ZNF536: variants seen among roughly 807,000 people sequenced by gnomAD.
The protein encoded by ZNF536 is zinc finger protein 536.
A neutral mutation model predicts 84.5 loss-of-function variants in ZNF536; 13 were observed. The ratio of observed to expected loss-of-function variants is 0.15; its 90% confidence interval spans 0.10 to 0.24. ZNF536 has a LOEUF of 0.24. ZNF536 is among the 10% of genes least tolerant of loss of function. The probability of loss-of-function intolerance (pLI) is 1.00; values close to 1 mark genes in which losing one functional copy is unlikely to be tolerated. For missense variants in ZNF536, 1,536 were observed against 1,747.5 expected, an observed-to-expected ratio of 0.88 and a Z score of 2.16; for synonymous variants, 811 against 742.5, an observed-to-expected ratio of 1.09 and a Z score of -1.50.
At position 30,254,895 on chromosome 19, in the gene ZNF536, C is replaced by T. The variant is rs538652940; in HGVS notation, c.-190+26222C>T. On this transcript the variant is annotated intron_variant, in intron 1 of 5. Coordinates refer to the ZNF536 transcript ENST00000585628. Reference sequence around the variant, plus strand: ...GAGATCTGAGAAAGTTAGCACTGGACTTAAAAGTCTTTAAAATGGGTTATT... The same window carrying T: ...GAGATCTGAGAAAGTTAGCACTGGATTTAAAAGTCTTTAAAATGGGTTATT... 1.1e-4 allele frequency among the ~76,000 whole-genome samples: 16 copies of T among 152,260 alleles called. No individual in the cohort carries two copies. In the South Asian group the frequency reaches 3.1e-3, roughly 30 times the overall value.
At chr19:30,496,969 A>T (rs1350399409) in intron 2 of ZNF536, among the ~76,000 whole-genome samples, 1 of 152,150 alleles carries the variant, frequency 6.6e-6, no homozygotes, top group Non-Finnish European at 1.5e-5. Flanking sequence ...CTCCAGAGAA[A>T]GGGGCTGGGA....
chr19:30,461,358 G>C (rs1053930061), intron 2 of ZNF536, among the ~76,000 whole-genome samples: 1 of 152,154 alleles, frequency 6.6e-6, no homozygotes, highest in Non-Finnish European at 1.5e-5. Flanking sequence ...CAGCAAACTC[G>C]GCTGCTGGTA....
chr19:30,377,082 G>A (rs2048847056), intron 1 of ZNF536, among the ~76,000 whole-genome samples: 2 of 152,296 alleles, frequency 1.3e-5, no homozygotes, highest in East Asian at 1.9e-4. Context: ...CTCTGTCATC[G>A]AGAGAGCCAA....
At chr19:30,320,609 A>G (rs4805543) in intron 2 of ZNF536, among the ~76,000 whole-genome samples, 40,269 of 152,062 alleles carry the variant, frequency 0.26, 7,693 homozygotes, top group African/African-American at 0.51. Context: ...CACGCAGCCC[A>G]CGGAGCCCCC....
At chr19:30,319,447 C>T (rs1047902106) in intron 2 of ZNF536, among the ~76,000 whole-genome samples, 2 of 151,960 alleles carry the variant, frequency 1.3e-5, no homozygotes, top group African/African-American at 4.8e-5. Context: ...CTGAATTTCA[C>T]AATGTGAGGA....
intron 1 of ZNF536, among the ~76,000 whole-genome samples, chr19:30,259,750 C>G (rs1053382316): frequency 4.6e-5 from 7 of 151,850 alleles, no homozygotes; most frequent in Non-Finnish European, 8.8e-5. Context: ...AGGTGGTTAT[C>G]GGGTGCTTCT....
chr19:30,297,971 C>A (rs2046061976), intron 2 of ZNF536, among the ~76,000 whole-genome samples: 1 of 151,518 alleles, frequency 6.6e-6, no homozygotes, highest in South Asian at 2.1e-4. Flanking sequence ...GTCTCTGCCT[C>A]CCAGGTTCAA....
At chr19:30,295,655 C>T (rs548072955) in intron 2 of ZNF536, among the ~76,000 whole-genome samples, 20 of 152,276 alleles carry the variant, frequency 1.3e-4, no homozygotes, top group Non-Finnish European at 2.6e-4. Context: ...CTCCAGGACA[C>T]GCAGAGCCCT....
intron 2 of ZNF536, among the ~76,000 whole-genome samples, chr19:30,494,299 A>T (rs985871126): frequency 2.0e-5 from 3 of 152,190 alleles, no homozygotes; most frequent in Admixed American, 6.5e-5. Context: ...GTGTCCCGAC[A>T]AGTGGACACT....
intron 1 of ZNF536, among the ~76,000 whole-genome samples, chr19:30,233,337 A>T (rs1210223130): frequency 5.0e-5 from 7 of 141,304 alleles, no homozygotes; most frequent in Non-Finnish European, 9.2e-5. Flanking sequence ...GGATAATGAT[A>T]CCTTTTTTTT....
At chr19:30,575,121 T>TATCC (rs1599857175) in intron 1 of ZNF536, among the ~76,000 whole-genome samples, 2 of 151,276 alleles carry the variant, frequency 1.3e-5, no homozygotes, top group African/African-American at 4.9e-5. Flanking sequence ...CAGCAGAATT[T>TATCC]ATCCATTCAT....
intron 3 of ZNF536, among the ~76,000 whole-genome samples, chr19:30,358,463 C>T (rs1450350390): frequency 4.7e-4 from 72 of 152,228 alleles, no homozygotes; most frequent in Non-Finnish European, 2.9e-5. Context: ...GTGTCTTCTC[C>T]ATCTCAGTAG....
chr19:30,304,495 C>T (rs2046288021), intron 2 of ZNF536, among the ~76,000 whole-genome samples: 3 of 152,318 alleles, frequency 2.0e-5, no homozygotes, highest in Non-Finnish European at 2.9e-5. Flanking sequence ...CTGCCCAGCT[C>T]CTGCCCTCCT....
chr19:30,645,874 A>T (rs1349470480), intron 1 of ZNF536, among the ~76,000 whole-genome samples: 2 of 152,166 alleles, frequency 1.3e-5, no homozygotes, highest in Admixed American at 6.5e-5. Context: ...TTCACCAAGA[A>T]TGAAGAAACT....
At chr19:30,329,653 A>T (rs2047145819) in intron 2 of ZNF536, among the ~76,000 whole-genome samples, 2 of 152,340 alleles carry the variant, frequency 1.3e-5, no homozygotes, top group South Asian at 4.1e-4. Context: ...CCCAGGCGTG[A>T]TACAGACAAA....
chr19:30,473,277 G>A (rs1483129959), intron 2 of ZNF536, among the ~76,000 whole-genome samples: 1 of 151,894 alleles, frequency 6.6e-6, no homozygotes, highest in Non-Finnish European at 1.5e-5. Context: ...GAGATTAGGG[G>A]GAGCTGGCCA....
intron 2 of ZNF536, among the ~76,000 whole-genome samples, chr19:30,515,396 A>G (rs557931407): frequency 6.4e-4 from 98 of 152,218 alleles, no homozygotes; most frequent in Non-Finnish European, 2.9e-4. Flanking sequence ...ATCGTTTATG[A>G]TAAGAGTTCA....
intron 1 of ZNF536, among the ~76,000 whole-genome samples, chr19:30,640,117 C>T (rs556969183): frequency 5.7e-4 from 86 of 152,198 alleles, no homozygotes; most frequent in African/African-American, 2.0e-3. Flanking sequence ...CGTGGTGGCA[C>T]GTGCCTGTAG....
intron 1 of ZNF536, among the ~76,000 whole-genome samples, chr19:30,676,900 C>A (rs904779815): frequency 6.6e-6 from 1 of 152,106 alleles, no homozygotes; most frequent in Non-Finnish European, 1.5e-5. Flanking sequence ...GAAATGGAGT[C>A]TTGCTATGTT....
Sources: gnomAD v4.1 joint callset for allele counts (sites outside exome capture counted in the v4.1 genomes callset) on GRCh38, gnomAD v4.1.1 for gene constraint, MANE v1.5 for transcripts, NCBI Gene and HGNC (gene_info 2026-07-23, HGNC 2026-07-21) for gene names.